Variants in GRM5 observed in about 807,000 individuals in gnomAD.
The protein encoded by GRM5 is glutamate metabotropic receptor 5.
In GRM5, 19 loss-of-function variants were observed where a neutral mutation model predicts 83.1. That is an observed-to-expected ratio of 0.23 (90% CI 0.16 to 0.34). GRM5 has a LOEUF of 0.34. GRM5 is among the 10% of genes least tolerant of loss of function. The pLI is 1.00. For missense variants in GRM5, 1,160 were observed against 1,588.3 expected (o/e 0.73, Z 4.58); for synonymous variants, 675 against 633.6 (o/e 1.07, Z -0.98).
At chr11:88,523,014 T>A (rs1941747370) in intron 9 of GRM5, 1 of 152,210 alleles carries the variant, frequency 6.6e-6, no homozygotes, top group Admixed American at 6.5e-5. Flanking sequence ...ACCCTCTCTG[T>A]CCCTTTCCCC....
chr11:88,861,278 T>A (rs1423617501), intron 2 of GRM5, among the ~76,000 whole-genome samples: 1 of 152,062 alleles, frequency 6.6e-6, no homozygotes, highest in Non-Finnish European at 1.5e-5. Flanking sequence ...TGCCTTTTCC[T>A]GAGGCACAGC....
chr11:89,000,777 A>G (rs575884887), intron 2 of GRM5, among the ~76,000 whole-genome samples: 2 of 152,230 alleles, frequency 1.3e-5, no homozygotes, highest in African/African-American at 4.8e-5. Context: ...AATAAGCTAC[A>G]GACTGGGAGA....
chr11:88,803,968 A>G (rs866110226), intron 3 of GRM5, among the ~76,000 whole-genome samples: 5 of 151,648 alleles, frequency 3.3e-5, no homozygotes, highest in African/African-American at 1.2e-4. Flanking sequence ...GAGAAATGCA[A>G]ATCAAAACCA....
At chr11:88,787,086 C>A (rs1226067224) in intron 3 of GRM5, among the ~76,000 whole-genome samples, 1 of 148,844 alleles carries the variant, frequency 6.7e-6, no homozygotes, top group Non-Finnish European at 1.5e-5. Context: ...ATAGAATGAA[C>A]AAAACAAGCA....
intron 2 of GRM5, among the ~76,000 whole-genome samples, chr11:88,986,995 G>A (rs898529514): frequency 7.2e-5 from 11 of 151,762 alleles, no homozygotes; most frequent in South Asian, 2.1e-4. Context: ...TCATCCTATC[G>A]GGGGAAGGAG....
At chr11:88,677,441 GGACACA>G (rs1442958625) in intron 3 of GRM5, among the ~76,000 whole-genome samples, 1 of 152,036 alleles carries the variant, frequency 6.6e-6, no homozygotes, top group East Asian at 1.9e-4. Flanking sequence ...GGGAATTGTG[GGACACA>G]GATATTCTCT....
chr11:88,616,259 G>T (rs1938477199), intron 4 of GRM5, among the ~76,000 whole-genome samples: 1 of 152,048 alleles, frequency 6.6e-6, no homozygotes, highest in African/African-American at 2.4e-5. Context: ...GTTGCCAGAG[G>T]CATTAGCAAG....
intron 3 of GRM5, among the ~76,000 whole-genome samples, chr11:88,760,246 G>A (rs1282682342): frequency 6.6e-6 from 1 of 152,058 alleles, no homozygotes; most frequent in Non-Finnish European, 1.5e-5. Flanking sequence ...AGGAAATTAA[G>A]AAACAAACAA....
At chr11:88,798,427 T>C (rs375580784) in intron 3 of GRM5, among the ~76,000 whole-genome samples, 44 of 152,252 alleles carry the variant, frequency 2.9e-4, no homozygotes, top group African/African-American at 9.4e-4. Flanking sequence ...AGAAAACACT[T>C]TTGTAGAATG....
At chr11:88,699,745 C>A (rs529800610) in intron 3 of GRM5, among the ~76,000 whole-genome samples, 1 of 7,516 alleles carries the variant, frequency 1.3e-4, no homozygotes, top group East Asian at 0.17. Flanking sequence ...ATTTGCTGCA[C>A]GAGCAGAGTG....
chr11:88,876,030 C>T (rs1321027639), intron 2 of GRM5, among the ~76,000 whole-genome samples: 2 of 151,980 alleles, frequency 1.3e-5, no homozygotes, highest in Admixed American at 6.6e-5. Flanking sequence ...GAGAGTCAGC[C>T]GTCCTTTGAA....
chr11:88,612,297 C>T (rs1162430031), intron 4 of GRM5, among the ~76,000 whole-genome samples: 10 of 149,264 alleles, frequency 6.7e-5, no homozygotes, highest in African/African-American at 1.5e-4. Context: ...GGACATGAAC[C>T]CATCATTTTT....
intron 2 of GRM5, among the ~76,000 whole-genome samples, chr11:89,042,552 TC>T (rs562594687): frequency 3.0e-4 from 45 of 152,338 alleles, no homozygotes; most frequent in African/African-American, 1.1e-3. Flanking sequence ...ATTACCATGA[TC>T]ATCCCAAAAT....
chr11:88,880,158 G>C (rs1002158498), intron 2 of GRM5, among the ~76,000 whole-genome samples: 3 of 151,978 alleles, frequency 2.0e-5, no homozygotes, highest in African/African-American at 7.2e-5. Flanking sequence ...GCAATTTTTG[G>C]CTGTTTGATT....
chr11:88,874,906 A>T (rs184279218), intron 2 of GRM5, among the ~76,000 whole-genome samples: 30 of 152,112 alleles, frequency 2.0e-4, no homozygotes, highest in African/African-American at 7.2e-4. Context: ...ATTTTAAAAT[A>T]TGCTGAAACA....
At chr11:88,533,821 T>C (rs887783143) in intron 8 of GRM5, among the ~76,000 whole-genome samples, 2 of 152,184 alleles carry the variant, frequency 1.3e-5, no homozygotes, top group Non-Finnish European at 2.9e-5. Context: ...ATCACAGATC[T>C]GGAGGCTTAG....
intron 1 of GRM5, among the ~76,000 whole-genome samples, chr11:89,065,494 T>C (rs1942083126): frequency 6.6e-6 from 1 of 152,036 alleles, no homozygotes; most frequent in Admixed American, 6.6e-5. Context: ...AACCTCCCAT[T>C]GGAGCGATAC....
chr11:88,883,556 G>GTA (rs1463185243), intron 2 of GRM5, among the ~76,000 whole-genome samples: 1 of 152,112 alleles, frequency 6.6e-6, no homozygotes, highest in African/African-American at 2.4e-5. Context: ...GATGCAGTAG[G>GTA]AAAGAAAAAC....
chr11:88,785,158 T>C (rs1354024020), intron 3 of GRM5, among the ~76,000 whole-genome samples: 1 of 152,116 alleles, frequency 6.6e-6, no homozygotes, highest in Non-Finnish European at 1.5e-5. Context: ...ATTATCTTTC[T>C]ATCTCAACTG....
Sources: allele counts gnomAD v4.1 joint callset (sites outside exome capture counted in the v4.1 genomes callset), GRCh38; gene constraint gnomAD v4.1.1; transcripts MANE v1.5; gene names NCBI Gene and HGNC (gene_info 2026-07-23, HGNC 2026-07-21).